KRTAP21-2: variants seen among roughly 807,000 people sequenced by gnomAD.
The protein encoded by KRTAP21-2 is keratin associated protein 21-2.
For synonymous variants in KRTAP21-2, 38 were observed against 38.6 expected (o/e 0.98, Z 0.06); for missense variants, 103 against 101.2 (o/e 1.02, Z -0.08).
chr21:30,746,860 C>T lies in KRTAP21-2; in HGVS notation c.*91G>A, dbSNP rs1983623990. On this transcript the variant is annotated 3_prime_UTR_variant, in exon 1 of 1. Coordinates refer to ENST00000333892, the MANE Select transcript of KRTAP21-2 (RefSeq NM_181617.3). ...GTCAGGTGACCATAGTCAACCTTTA[C>T]TTAGATGTGAAGATAATGGGTAGGG... The T allele has an allele frequency of 1.4e-6, 2 of 1,456,076 alleles. No individual in the cohort carries two copies. The highest frequency in any genetic ancestry group is 2.8e-5 in the African/African-American group (2 of 71,408). The allele number at this position is 1,456,076 out of a possible 1,614,324, so 90.2% of individuals were successfully genotyped here. A position where few individuals can be genotyped will look rare whatever the true frequency, so the allele number is the denominator to read the frequency against.
At position 30,746,973 on chromosome 21, in the gene KRTAP21-2, C is replaced by T. The variant is rs2123714932; in HGVS notation, c.230G>A (p.Arg77Lys). ...TGATTAGTAGCAAGAGGAATAGCAT[C>T]TTCTGTAGCAAAGTGGTCGGTAGCC... is the stretch of plus-strand genomic sequence containing the variant. Reference protein sequence around the residue: ...CCGYRPLCYRRCYSSCY With the variant: ...CCGYRPLCYRKCYSSCY Residue 77 changes from arginine to lysine, a missense_variant, in exon 1 of 1, where the codon AGA (arginine) becomes AAA (lysine). Arg to Lys is a conservative substitution (Grantham distance 26). Transcript: ENST00000333892. The T allele has an allele frequency of 6.2e-7, 1 of 1,613,784 alleles. No individual in the cohort carries two copies. Among genetic ancestry groups the T allele is most frequent in the East Asian group, 2.2e-5 (1 of 44,866 alleles).
In KRTAP21-2 at chr21:30,747,074, A is replaced by G; in HGVS notation, c.129T>C (p.Tyr43=). 1 of 1,613,956 alleles carries G rather than the reference A, an allele frequency of 6.2e-7. No individual in the cohort carries two copies. Among genetic ancestry groups the G allele is most frequent in the Non-Finnish European group, 8.5e-7 (1 of 1,179,956 alleles). Residue 43 remains tyrosine, a synonymous_variant, in exon 1 of 1, where the codon TAT becomes TAC. Coordinates refer to ENST00000333892, the MANE Select transcript of KRTAP21-2 (RefSeq NM_181617.3). ...CACAGCCATAGCCACAGCCAGTTCC[A>G]TAGCCAGAGCCATATCTACAGCCAG... is the stretch of plus-strand genomic sequence containing the variant. ...YGSGCRYGSG[Y]GTGCGYGCGY...
chr21:30,747,155 G>A lies in KRTAP21-2; in HGVS notation c.48C>T (p.Gly16=). Reference sequence around the variant, plus strand: ...ATCCACAGCCGGAACTCCAGCCAGAGCCATATCCACAGCCCCCACAGCAGT... The same window carrying A: ...ATCCACAGCCGGAACTCCAGCCAGAACCATATCCACAGCCCCCACAGCAGT... ...YRNCCGGCGY[G]SGWSSGCGYG... is the part of the protein sequence containing the mutation. The change falls in exon 1 of 1, where the codon GGC becomes GGT. Residue 16 remains glycine, a synonymous_variant. Transcript: ENST00000333892. 1 of 1,613,990 alleles carries A rather than the reference G, an allele frequency of 6.2e-7. No homozygotes were observed. The highest frequency in any genetic ancestry group is 8.5e-7 in the Non-Finnish European group (1 of 1,179,968).
chr21:30,747,081 G>A lies in KRTAP21-2; in HGVS notation c.122C>T (p.Ser41Phe). 6.2e-7 allele frequency: 1 copy of A among 1,613,632 alleles called. No homozygotes were observed. Among genetic ancestry groups the A allele is most frequent in the Non-Finnish European group, 8.5e-7 (1 of 1,179,880 alleles). The stretch of plus-strand genomic sequence containing the variant: ...ATAGCCACAGCCAGTTCCATAGCCA[G>A]AGCCATATCTACAGCCAGAGCCGTA... ...CGYGSGCRYG[S>F]GYGTGCGYGC... The change falls in exon 1 of 1, where the codon TCT (serine) becomes TTT (phenylalanine). Residue 41 changes from serine to phenylalanine, a missense_variant. By Grantham distance (155) the Ser-to-Phe change is radical. Coordinates refer to ENST00000333892, the MANE Select transcript of KRTAP21-2 (RefSeq NM_181617.3).
rs1158721635 is a variant in KRTAP21-2 at position 30,746,850 on chromosome 21, T to A, written c.*101A>T. On this transcript the variant is annotated 3_prime_UTR_variant, in exon 1 of 1. Coordinates refer to ENST00000333892, the MANE Select transcript of KRTAP21-2 (RefSeq NM_181617.3). ...CATTCAGATAGTCAGGTGACCATAGTCAACCTTTACTTAGATGTGAAGATA... is the reference window on the plus strand; with the variant it reads ...CATTCAGATAGTCAGGTGACCATAGACAACCTTTACTTAGATGTGAAGATA... 7.2e-7 allele frequency: 1 copy of A among 1,389,046 alleles called. No homozygotes were observed. 86.0% of individuals were successfully genotyped at this position (1,389,046 alleles called of 1,614,324 possible).
Position 30,747,100 on chromosome 21 carries a change from A to G in KRTAP21-2, c.103T>C (p.Ser35Pro), listed in dbSNP as rs529255805. Residue 35 changes from serine to proline, a missense_variant, in exon 1 of 1, where the codon TCT becomes CCT. Physicochemically the swap from Ser to Pro is moderately conservative, Grantham distance 74 (BLOSUM62 -1). Coordinates refer to ENST00000333892, the MANE Select transcript of KRTAP21-2 (RefSeq NM_181617.3). ...YGCGYGCGYG[S>P]GCRYGSGYGT... ...TAGCCAGAGCCATATCTACAGCCAG[A>G]GCCGTATCCACAGCCATAGCCACAA... 1 of 1,613,890 alleles carries G rather than the reference A, an allele frequency of 6.2e-7. No individual in the cohort carries two copies. Among genetic ancestry groups the G allele is most frequent in the Admixed American group, 1.7e-5 (1 of 59,958 alleles).
In KRTAP21-2 at chr21:30,746,977, T is replaced by TGTAGCAAAGTGGTCG. The variant is rs750435487; in HGVS notation, c.211_225dup (p.Pro72_Arg76dup). ...TAGTAGCAAGAGGAATAGCATCTTC[T>TGTAGCAAAGTGGTCG]GTAGCAAAGTGGTCGGTAGCCACAG... On this transcript the variant is annotated inframe_insertion, in exon 1 of 1. Coordinates refer to ENST00000333892, the MANE Select transcript of KRTAP21-2 (RefSeq NM_181617.3). 8 of 1,613,694 alleles carry TGTAGCAAAGTGGTCG rather than the reference T, an allele frequency of 5.0e-6. No individual in the cohort carries two copies.
At position 30,747,053 on chromosome 21, in the gene KRTAP21-2, GCCATAGCCACAGCCAGTT is replaced by G. The variant is rs776297424; in HGVS notation, c.132_149del (p.Thr45_Gly50del). 4.3e-6 allele frequency: 7 copies of G among 1,613,722 alleles called. No homozygotes were observed. Among genetic ancestry groups the G allele is most frequent in the Non-Finnish European group, 5.9e-6 (7 of 1,179,974 alleles). Reference sequence around the variant, plus strand: ...ATCCACAGCCAGAGCCGTATCCACAGCCATAGCCACAGCCAGTTCCATAGCCAGAGCCATATCTACAGC... The same window carrying G: ...ATCCACAGCCAGAGCCGTATCCACAGCCATAGCCAGAGCCATATCTACAGC... On this transcript the variant is annotated inframe_deletion, in exon 1 of 1. Transcript: ENST00000333892.
At position 30,746,988 on chromosome 21, in the gene KRTAP21-2, G is replaced by A; in HGVS notation, c.215C>T (p.Pro72Leu). ...GYSSSCCGYRPLCYRRCYSSC... is the reference protein window; with the variant it reads ...GYSSSCCGYRLLCYRRCYSSC... ...GGAATAGCATCTTCTGTAGCAAAGT[G>A]GTCGGTAGCCACAGCAGCTAGAGCT... The change falls in exon 1 of 1, where the codon CCA becomes CTA. Residue 72 changes from proline (P) to leucine (L), a missense_variant. By Grantham distance (98) the Pro-to-Leu change is moderately conservative. Transcript: ENST00000333892. The A allele has an allele frequency of 2.5e-6, 4 of 1,613,510 alleles. No individual in the cohort carries two copies. Among genetic ancestry groups the A allele is most frequent in the Non-Finnish European group, 3.4e-6 (4 of 1,179,910 alleles).
At position 30,747,191 on chromosome 21, in the gene KRTAP21-2, G is replaced by C. The variant is rs1177265397; in HGVS notation, c.12C>G (p.Asn4Lys). ...AGCCCCCACAGCAGTTTCTGTAGTAGTTGCAACACATGATTTCAGGAGGTT... is the reference window on the plus strand; with the variant it reads ...AGCCCCCACAGCAGTTTCTGTAGTACTTGCAACACATGATTTCAGGAGGTT... MCC[N>K]YYRNCCGGCG... is the part of the protein sequence containing the mutation. Residue 4 changes from asparagine (N) to lysine (K), a missense_variant, in exon 1 of 1, where the codon AAC becomes AAG. Asn to Lys is a moderately conservative substitution (Grantham distance 94). Transcript: ENST00000333892. The C allele has an allele frequency of 6.2e-7, 1 of 1,613,186 alleles. No individual in the cohort carries two copies. Among genetic ancestry groups the C allele is most frequent in the South Asian group, 1.1e-5 (1 of 91,034 alleles).
Position 30,747,226 on chromosome 21 carries a change from T to C in KRTAP21-2, c.-24A>G, listed in dbSNP as rs191802018. 3.1e-6 allele frequency: 5 copies of C among 1,607,446 alleles called. No homozygotes were observed. The highest frequency in any genetic ancestry group is 4.3e-6 in the Non-Finnish European group (5 of 1,175,282). On this transcript the variant is annotated 5_prime_UTR_variant, in exon 1 of 1. Coordinates refer to ENST00000333892, the MANE Select transcript of KRTAP21-2 (RefSeq NM_181617.3). The stretch of plus-strand genomic sequence containing the variant: ...ATGATTTCAGGAGGTTAGATTTCAG[T>C]TGAGGTGTAGGAGGATATTTCTGAA...
chr21:30,747,162 CCACAGCCCCCACAGCAGTTT>C, the KRTAP21-2 span: 1 of 1,613,974 alleles, frequency 6.2e-7, no homozygotes, highest in Non-Finnish European at 8.5e-7. Flanking sequence ...AGAGCCATAT[CCACAGCCCCCACAGCAGTTT>C]CTGTAGTAGT....
In KRTAP21-2 at chr21:30,747,161, T is replaced by G; in HGVS notation, c.42A>C (p.Gly14=). ...NYYRNCCGGC[G]YGSGWSSGCG... ...AGCCGGAACTCCAGCCAGAGCCATA[T>G]CCACAGCCCCCACAGCAGTTTCTGT... The change falls in exon 1 of 1, where the codon GGA becomes GGC. Residue 14 remains glycine, a synonymous_variant. Transcript: ENST00000333892. 1.2e-6 allele frequency: 2 copies of G among 1,613,914 alleles called. No individual in the cohort carries two copies. The highest frequency in any genetic ancestry group is 2.7e-5 in the African/African-American group (2 of 75,000).
chr21:30,746,894 A>C lies in KRTAP21-2; in HGVS notation c.*57T>G, dbSNP rs1025882796. 1.9e-6 allele frequency: 3 copies of C among 1,558,220 alleles called. No individual in the cohort carries two copies. Among genetic ancestry groups the C allele is most frequent in the Non-Finnish European group, 2.6e-6 (3 of 1,146,480 alleles). ...GAAGATAATGGGTAGGGGAGATTTC[A>C]ATTGAACTTGATCTTGGAGAGGTCA... On this transcript the variant is annotated 3_prime_UTR_variant, in exon 1 of 1. Transcript: ENST00000333892.
chr21:30,746,824 G>A lies in KRTAP21-2; in HGVS notation c.*127C>T. Reference sequence around the variant, plus strand: ...CCACTGCCAACAGCTTCTCTTATATGCATTCAGATAGTCAGGTGACCATAG... The same window carrying A: ...CCACTGCCAACAGCTTCTCTTATATACATTCAGATAGTCAGGTGACCATAG... On this transcript the variant is annotated 3_prime_UTR_variant, in exon 1 of 1. Transcript: ENST00000333892. 1.9e-6 allele frequency: 2 copies of A among 1,052,310 alleles called. No individual in the cohort carries two copies. The highest frequency in any genetic ancestry group is 2.8e-6 in the Non-Finnish European group (2 of 724,482). The allele number at this position is 1,052,310 out of a possible 1,614,324, so 65.2% of individuals were successfully genotyped here.
In KRTAP21-2 at chr21:30,746,833, TAGTC is replaced by T. The variant is rs1983622816; in HGVS notation, c.*114_*117del. 1 of 1,184,954 alleles carries T rather than the reference TAGTC, an allele frequency of 8.4e-7. No homozygotes were observed. The highest frequency in any genetic ancestry group is 2.2e-5 in the Admixed American group (1 of 45,644). 73.4% of individuals were successfully genotyped at this position (1,184,954 alleles called of 1,614,324 possible). ...ACAGCTTCTCTTATATGCATTCAGATAGTCAGGTGACCATAGTCAACCTTTACTT... is the reference window on the plus strand; with the variant it reads ...ACAGCTTCTCTTATATGCATTCAGATAGGTGACCATAGTCAACCTTTACTT... On this transcript the variant is annotated 3_prime_UTR_variant, in exon 1 of 1. Coordinates refer to ENST00000333892, the MANE Select transcript of KRTAP21-2 (RefSeq NM_181617.3).
Position 30,747,161 on chromosome 21 carries a change from T to C in KRTAP21-2, c.42A>G (p.Gly14=), listed in dbSNP as rs1163724055. 1.9e-6 allele frequency: 3 copies of C among 1,613,796 alleles called. No homozygotes were observed. The African/African-American group carries it at 4.0e-5, about 22-fold the overall frequency. The change falls in exon 1 of 1, where the codon GGA becomes GGG. Residue 14 remains glycine (G), a synonymous_variant. Coordinates refer to ENST00000333892, the MANE Select transcript of KRTAP21-2 (RefSeq NM_181617.3). ...NYYRNCCGGC[G]YGSGWSSGCG... ...AGCCGGAACTCCAGCCAGAGCCATA[T>C]CCACAGCCCCCACAGCAGTTTCTGT...
Position 30,747,061 on chromosome 21 carries a change from C to T in KRTAP21-2, c.142G>A (p.Gly48Ser), listed in dbSNP as rs2123715151. The T allele has an allele frequency of 2.5e-6, 4 of 1,613,904 alleles. No individual in the cohort carries two copies. Among genetic ancestry groups the T allele is most frequent in the Non-Finnish European group, 3.4e-6 (4 of 1,179,940 alleles). ...RYGSGYGTGCGYGCGYGSGCG... is the reference protein window; with the variant it reads ...RYGSGYGTGCSYGCGYGSGCG... ...CCAGAGCCGTATCCACAGCCATAGC[C>T]ACAGCCAGTTCCATAGCCAGAGCCA... Residue 48 changes from glycine to serine, a missense_variant, in exon 1 of 1, where the codon GGC (glycine) becomes AGC (serine). Coordinates refer to ENST00000333892, the MANE Select transcript of KRTAP21-2 (RefSeq NM_181617.3).
In KRTAP21-2 at chr21:30,746,949, G is replaced by A. The variant is rs776340378; in HGVS notation, c.*2C>T. ...AAAGCCAAGGATGACCTGTAGTGAT[G>A]ATTAGTAGCAAGAGGAATAGCATCT... On this transcript the variant is annotated 3_prime_UTR_variant, in exon 1 of 1. Coordinates refer to ENST00000333892, the MANE Select transcript of KRTAP21-2 (RefSeq NM_181617.3). 1.2e-6 allele frequency: 2 copies of A among 1,611,834 alleles called. No homozygotes were observed. The highest frequency in any genetic ancestry group is 8.5e-7 in the Non-Finnish European group (1 of 1,178,296).
Sources: gnomAD v4.1 joint callset for allele counts on GRCh38, gnomAD v4.1.1 for gene constraint, MANE v1.5 for transcripts, NCBI Gene and HGNC (gene_info 2026-07-23, HGNC 2026-07-21) for gene names.